Variants in FAM78B observed in about 807,000 individuals in gnomAD.
The protein encoded by FAM78B is family with sequence similarity 78 member B.
In FAM78B, 10 loss-of-function variants were observed where a neutral mutation model predicts 20.0. The observed-to-expected ratio is 0.50, with a 90% CI of 0.31 to 0.85. The LOEUF is 0.85. Ranked by LOEUF, FAM78B falls within the 40% of genes least tolerant of loss-of-function variation. The pLI is 0.05. For synonymous variants in FAM78B, 135 were observed against 132.8 expected (o/e 1.02, Z -0.12); for missense variants, 283 against 345.0 (o/e 0.82, Z 1.42).
exon 3 of FAM78B, chr1:166,058,341 T>G (rs1200484090): frequency 6.6e-6 from 1 of 151,986 alleles, no homozygotes; most frequent in African/African-American, 2.4e-5. Flanking sequence ...ACATTTGGAC[T>G]GATGGGGAAA....
chr1:166,065,349 C>T (rs368783522), downstream of FAM78B, among the ~76,000 whole-genome samples: 8 of 152,230 alleles, frequency 5.3e-5, 1 homozygote, highest in South Asian at 1.7e-3. Flanking sequence ...GATATAATGC[C>T]AAAATATTAC....
At chr1:166,152,233 T>C (rs1286392802) in intron 1 of FAM78B, among the ~76,000 whole-genome samples, 1 of 152,134 alleles carries the variant, frequency 6.6e-6, no homozygotes, top group Non-Finnish European at 1.5e-5. Context: ...CCAGGGAGCT[T>C]TGCAGCAGAG....
At chr1:166,064,568 T>C (rs181233632), downstream of FAM78B, among the ~76,000 whole-genome samples, 12 of 152,264 alleles carry the variant, frequency 7.9e-5, no homozygotes, top group Admixed American at 7.8e-4. Context: ...TTTCTTTCCT[T>C]GACCACCAGG....
intron 1 of FAM78B, among the ~76,000 whole-genome samples, chr1:166,130,830 T>C (rs753690893): frequency 1.3e-5 from 2 of 152,112 alleles, no homozygotes; most frequent in Non-Finnish European, 2.9e-5. Flanking sequence ...TTCTCCTGCA[T>C]TGTGTGTACA....
chr1:166,145,508 T>C (rs978570109), intron 1 of FAM78B, among the ~76,000 whole-genome samples: 10 of 152,110 alleles, frequency 6.6e-5, no homozygotes, highest in African/African-American at 2.4e-4. Flanking sequence ...GCCTGCAAGG[T>C]ACAGGATATT....
chr1:166,057,027 G>A (rs955561043), downstream of FAM78B, among the ~76,000 whole-genome samples: 3 of 152,160 alleles, frequency 2.0e-5, no homozygotes, highest in South Asian at 6.2e-4. Flanking sequence ...AGAAAACAGG[G>A]CCTCCCCAGT....
chr1:166,071,791 T>C (rs1652041838), intron 1 of FAM78B, among the ~76,000 whole-genome samples: 1 of 152,198 alleles, frequency 6.6e-6, no homozygotes. Flanking sequence ...TCAAAGTCCC[T>C]GGTTTTGGCC....
chr1:166,111,153 C>T (rs771778941), intron 1 of FAM78B, among the ~76,000 whole-genome samples: 2 of 152,174 alleles, frequency 1.3e-5, no homozygotes, highest in South Asian at 4.1e-4. Flanking sequence ...CTTGGCCCTT[C>T]TCTTTCATAT....
intron 1 of FAM78B, among the ~76,000 whole-genome samples, chr1:166,082,104 T>C (rs971940595): frequency 1.3e-5 from 2 of 152,216 alleles, no homozygotes; most frequent in African/African-American, 4.8e-5. Context: ...TTTTATAAAA[T>C]GTACATCAGG....
Position 166,092,757 on chromosome 1 carries a change from T to C in FAM78B, c.264-21994A>G, listed in dbSNP as rs138659132. Among the ~76,000 whole-genome samples, 38 of 152,338 alleles carry C rather than the reference T, an allele frequency of 2.5e-4. No homozygotes were observed. In the East Asian group the frequency reaches 6.7e-3, roughly 27 times the overall value. On this transcript the variant is annotated intron_variant, in intron 1 of 1. Transcript: ENST00000354422. ...CCATCCCAAACATACTCTTTAAATT[T>C]GATGACATCTGTCTAGTTAGTTATT...
intron 1 of FAM78B, among the ~76,000 whole-genome samples, chr1:166,155,465 C>G (rs1394382665): frequency 6.6e-6 from 1 of 152,200 alleles, no homozygotes; most frequent in Non-Finnish European, 1.5e-5. Context: ...TAGTTGTTAT[C>G]ATCATCAAGT....
At chr1:166,061,814 GAC>G (rs139056655) in intron 2 of FAM78B, among the ~76,000 whole-genome samples, 1,812 of 152,284 alleles carry the variant, frequency 0.012, 36 homozygotes, top group African/African-American at 0.042. Flanking sequence ...CAGAATGACA[GAC>G]ACAGCAGGGA....
exon 3 of FAM78B, chr1:166,057,934 T>C (rs530941819): frequency 6.6e-6 from 1 of 151,544 alleles, no homozygotes; most frequent in South Asian, 2.1e-4. Context: ...TTAATTTAGC[T>C]AGTTCCCTGT....
At chr1:166,099,843 C>T (rs1320172602) in intron 1 of FAM78B, among the ~76,000 whole-genome samples, 1 of 152,140 alleles carries the variant, frequency 6.6e-6, no homozygotes, top group Admixed American at 6.5e-5. Context: ...CTTGAATATT[C>T]CATTGACAGC....
At chr1:166,085,903 C>G (rs934016234) in intron 1 of FAM78B, among the ~76,000 whole-genome samples, 43 of 152,292 alleles carry the variant, frequency 2.8e-4, no homozygotes, top group African/African-American at 1.0e-3. Context: ...AGCAAAACAT[C>G]TGTGGTGACA....
At chr1:166,100,001 A>G (rs545017423) in intron 1 of FAM78B, among the ~76,000 whole-genome samples, 1 of 152,378 alleles carries the variant, frequency 6.6e-6, no homozygotes, top group East Asian at 1.9e-4. Context: ...GACAGACCAT[A>G]TGATAGGCCA....
chr1:166,073,532 C>G (rs1375146073), intron 1 of FAM78B, among the ~76,000 whole-genome samples: 1 of 131,266 alleles, frequency 7.6e-6, no homozygotes, highest in Non-Finnish European at 1.6e-5. Flanking sequence ...CTTTCTCTTT[C>G]TCTCTTTTTT....
chr1:166,069,301 G>C lies in FAM78B; in HGVS notation c.*940C>G, dbSNP rs1018080231. ...ATCATTCAGAAACTCAAAAGAAACA[G>C]AATGAAAATGCTGTTCTTATTTGCT... On this transcript the variant is annotated 3_prime_UTR_variant, in exon 2 of 2. Coordinates refer to ENST00000354422, the MANE Select transcript of FAM78B (RefSeq NM_001017961.5). Among the ~76,000 whole-genome samples, 1 of 152,022 alleles carries C rather than the reference G, an allele frequency of 6.6e-6. No individual in the cohort carries two copies. Among genetic ancestry groups the C allele is most frequent in the African/African-American group, 2.4e-5 (1 of 41,384 alleles).
intron 1 of FAM78B, among the ~76,000 whole-genome samples, chr1:166,098,031 G>C (rs556401840): frequency 4.6e-5 from 7 of 152,210 alleles, no homozygotes; most frequent in Non-Finnish European, 1.0e-4. Flanking sequence ...ATGGCTGAGA[G>C]AACCATAGAC....
Sources: allele counts gnomAD v4.1 joint callset (sites outside exome capture counted in the v4.1 genomes callset), GRCh38; gene constraint gnomAD v4.1.1; transcripts MANE v1.5; gene names NCBI Gene and HGNC (gene_info 2026-07-23, HGNC 2026-07-21).